TBC1D5: variants seen among roughly 807,000 people sequenced by gnomAD.
TBC1D5 encodes TBC1 domain family member 5, also known as TBC1 domain family, member 5.
TBC1D5 carries 75 observed loss-of-function variants against 100.3 expected under a neutral mutation model. That is an observed-to-expected ratio of 0.75 (90% CI 0.62 to 0.91). The LOEUF (loss-of-function observed/expected upper bound fraction) is 0.91. Among genes scored for constraint, TBC1D5 ranks in the 40% least tolerant of loss-of-function variants. The pLI, the probability that TBC1D5 is intolerant of heterozygous loss-of-function variation, is 0.00. For synonymous variants in TBC1D5, 323 were observed against 325.6 expected (o/e 0.99, Z 0.09); for missense variants, 910 against 942.4 (o/e 0.97, Z 0.45).
chr3:17,212,295 G>T (rs945879239), intron 18 of TBC1D5, among the ~76,000 whole-genome samples: 3 of 152,044 alleles, frequency 2.0e-5, no homozygotes, highest in African/African-American at 7.2e-5. Flanking sequence ...AATTCTATTG[G>T]CTAGTGACAT....
chr3:17,710,169 G>A (rs914814936), intron 1 of TBC1D5, among the ~76,000 whole-genome samples: 1 of 152,132 alleles, frequency 6.6e-6, no homozygotes, highest in Non-Finnish European at 1.5e-5. Flanking sequence ...AAAAAATACA[G>A]ATAGCAAAGT....
chr3:17,273,627 C>T (rs1189398106), intron 15 of TBC1D5, among the ~76,000 whole-genome samples: 1 of 151,792 alleles, frequency 6.6e-6, no homozygotes, highest in African/African-American at 2.4e-5. Flanking sequence ...GCCAACATGG[C>T]GAAACCCTGT....
Position 17,439,366 on chromosome 3 carries a change from A to C in TBC1D5, c.98-10847T>G, listed in dbSNP as rs2094596276. Among the ~76,000 whole-genome samples the C allele has an allele frequency of 3.9e-5, 6 of 152,368 alleles. No individual in the cohort carries two copies. The South Asian group carries it at 1.2e-3, about 32-fold the overall frequency. On this transcript the variant is annotated intron_variant, in intron 3 of 21. Transcript: ENST00000253692. ...AAATAACAGCTATCTGAACAAGTTC[A>C]TATAACAAACATCTACTTAAAAAGC...
At chr3:17,350,968 TAA>T (rs1431357610) in intron 13 of TBC1D5, among the ~76,000 whole-genome samples, 7 of 152,168 alleles carry the variant, frequency 4.6e-5, no homozygotes, top group Admixed American at 4.6e-4. Context: ...GGCTTATATA[TAA>T]GTTATACAAG....
intron 3 of TBC1D5, among the ~76,000 whole-genome samples, chr3:17,505,950 C>T (rs1467454804): frequency 6.6e-6 from 1 of 152,092 alleles, no homozygotes; most frequent in African/African-American, 2.4e-5. Flanking sequence ...TCTCCTAAGA[C>T]TTTGCATATA....
At chr3:17,213,188 C>T (rs2125986671) in intron 18 of TBC1D5, among the ~76,000 whole-genome samples, 1 of 152,292 alleles carries the variant, frequency 6.6e-6, no homozygotes, top group East Asian at 1.9e-4. Flanking sequence ...CAGTACAGCA[C>T]CATGCTATAC....
At chr3:17,184,979 T>C (rs750517759) in intron 19 of TBC1D5, 130 bp downstream of exon 20, 2 of 632,738 alleles carry the variant, frequency 3.2e-6, no homozygotes, top group South Asian at 3.3e-5. Context: ...ACTTCTATTA[T>C]ATAGCTGTTG....
chr3:17,364,437 G>A (rs1486185311), intron 13 of TBC1D5, among the ~76,000 whole-genome samples: 1 of 152,112 alleles, frequency 6.6e-6, no homozygotes, highest in Non-Finnish European at 1.5e-5. Flanking sequence ...GATTTTACAT[G>A]CCAAAATTCA....
At chr3:17,493,516 T>C (rs1193522465) in intron 3 of TBC1D5, among the ~76,000 whole-genome samples, 1 of 152,216 alleles carries the variant, frequency 6.6e-6, no homozygotes, top group Non-Finnish European at 1.5e-5. Flanking sequence ...TCCTGAAGTA[T>C]GTTTTCCAAC....
intron 2 of TBC1D5, among the ~76,000 whole-genome samples, chr3:17,613,494 TCC>T (rs2061861015): frequency 1.3e-5 from 2 of 152,326 alleles, no homozygotes; most frequent in African/African-American, 4.8e-5. Flanking sequence ...TAATTTACAC[TCC>T]CATCAACAGT....
At chr3:17,255,756 A>T (rs1019786815) in intron 16 of TBC1D5, among the ~76,000 whole-genome samples, 13 of 152,122 alleles carry the variant, frequency 8.5e-5, no homozygotes, top group African/African-American at 3.1e-4. Flanking sequence ...AATAAGATTT[A>T]GGCCGGGCGC....
chr3:17,178,356 T>C (rs1309240079), intron 19 of TBC1D5, among the ~76,000 whole-genome samples: 2 of 152,148 alleles, frequency 1.3e-5, no homozygotes, highest in Non-Finnish European at 1.5e-5. Context: ...TGAGCCACTG[T>C]GCCTGGCCTA....
chr3:17,742,588 G>GGGCCC (rs889387557), upstream of TBC1D5: 9 of 152,310 alleles, frequency 5.9e-5, no homozygotes, highest in African/African-American at 7.2e-5. Context: ...GGAAGCGGCC[G>GGGCCC]GGCCCGGCCC....
intron 21 of TBC1D5, among the ~76,000 whole-genome samples, chr3:17,161,481 C>T (rs2066048322): frequency 6.6e-6 from 1 of 152,238 alleles, no homozygotes; most frequent in Non-Finnish European, 1.5e-5. Context: ...CAAATGCTGG[C>T]TTCCCTGGGG....
chr3:17,742,095 T>C (rs543686454), upstream of TBC1D5, among the ~76,000 whole-genome samples: 7 of 152,284 alleles, frequency 4.6e-5, no homozygotes, highest in East Asian at 1.4e-3. Flanking sequence ...CAGTTGGCCT[T>C]CCAGTCTAGA....
chr3:17,354,492 T>C (rs1166287676), intron 13 of TBC1D5, among the ~76,000 whole-genome samples: 1 of 152,100 alleles, frequency 6.6e-6, no homozygotes, highest in African/African-American at 2.4e-5. Flanking sequence ...CTATTGAGTA[T>C]ATTTGTGGCG....
At chr3:17,374,822 A>G in intron 10 of TBC1D5, 143 bp from the exon 11 acceptor site, 2 of 759,772 alleles carry the variant, frequency 2.6e-6, no homozygotes, top group South Asian at 2.0e-5. Context: ...GAGCAATGCC[A>G]TTAACAAATG....
At chr3:17,202,635 C>T (rs1467973671) in intron 18 of TBC1D5, among the ~76,000 whole-genome samples, 1 of 152,226 alleles carries the variant, frequency 6.6e-6, no homozygotes, top group Non-Finnish European at 1.5e-5. Context: ...CAGGGCCCTG[C>T]TACCCTGCAC....
intron 1 of TBC1D5, among the ~76,000 whole-genome samples, chr3:17,657,090 T>A (rs538144010): frequency 6.6e-6 from 1 of 152,178 alleles, no homozygotes; most frequent in East Asian, 1.9e-4. Context: ...TTGAACCTTG[T>A]CTGCTGAAGT....
Sources: gnomAD v4.1 joint callset for allele counts (sites outside exome capture counted in the v4.1 genomes callset) on GRCh38, gnomAD v4.1.1 for gene constraint, MANE v1.5 for transcripts, NCBI Gene and HGNC (gene_info 2026-07-23, HGNC 2026-07-21) for gene names.